Variants in PMPCB observed in about 807,000 individuals in gnomAD.
PMPCB encodes mitochondrial-processing peptidase subunit beta.
A neutral mutation model predicts 61.5 loss-of-function variants in PMPCB; 46 were observed. The ratio of observed to expected loss-of-function variants is 0.75; its 90% CI spans 0.59 to 0.96. The LOEUF (loss-of-function observed/expected upper bound fraction) is 0.96, where lower values mean the gene tolerates loss of function less well. Among genes scored for constraint, PMPCB ranks in the 40% least tolerant of loss-of-function variants. The pLI is 0.00. For missense variants in PMPCB, 590 were observed against 602.4 expected (o/e 0.98, Z 0.22); for synonymous variants, 191 against 201.6 (o/e 0.95, Z 0.44).
downstream of PMPCB, chr7:103,315,668 T>A: frequency 4.1e-6 from 3 of 724,832 alleles, no homozygotes; most frequent in South Asian, 2.0e-5. Flanking sequence ...AACATTTTAT[T>A]TCCCTATCAT....
chr7:103,306,546 C>G (rs1254046889), intron 6 of PMPCB, among the ~76,000 whole-genome samples: 2 of 151,988 alleles, frequency 1.3e-5, no homozygotes, highest in Non-Finnish European at 2.9e-5. Flanking sequence ...TCACACCTGA[C>G]TAATTTTGTA....
At chr7:103,319,961 G>C in intron 12 of PMPCB, 1 of 1,078,392 alleles carries the variant, frequency 9.3e-7, no homozygotes, top group South Asian at 1.4e-5. Context: ...CTTGAACCTG[G>C]AGGCGGAAAT....
chr7:103,312,303 G>GTATT lies in PMPCB; in HGVS notation c.*36_*39dup. 1 of 1,605,310 alleles carries GTATT rather than the reference G, an allele frequency of 6.2e-7. No homozygotes were observed. Among genetic ancestry groups the GTATT allele is most frequent in the Non-Finnish European group, 8.5e-7 (1 of 1,179,602 alleles). ...CCTAATCAAGATTGTTTGAACACAT[G>GTATT]TATTTATAAAACAGAGCTAGAGAAA... On this transcript the variant is annotated 3_prime_UTR_variant, in exon 13 of 13. Coordinates refer to ENST00000249269, the MANE Select transcript of PMPCB (RefSeq NM_004279.3).
chr7:103,344,710 C>T, the PMPCB span: 1 of 1,391,064 alleles, frequency 7.2e-7, no homozygotes, highest in Non-Finnish European at 1.0e-6. Flanking sequence ...ACCTCTCACT[C>T]CGAGCCTCGC....
Position 103,314,644 on chromosome 7 carries a change from GTTAC to G in PMPCB, c.*2378_*2381del, listed in dbSNP as rs1314055088. On this transcript the variant is annotated 3_prime_UTR_variant, in exon 13 of 13. Transcript: ENST00000249269. The stretch of plus-strand genomic sequence containing the variant: ...TTCAGGTGTTCTGAAACCCTGCCTT[GTTAC>G]TTACCTTTATTAAAAGAACCGAAAT... 1.0e-6 allele frequency: 1 copy of G among 985,232 alleles called. No homozygotes were observed. The highest frequency in any genetic ancestry group is 1.2e-6 in the Non-Finnish European group (1 of 829,884). The allele number at this position is 985,232 out of a possible 1,614,324, so 61.0% of individuals were successfully genotyped here.
At chr7:103,301,499 A>G (rs1422624636) in intron 4 of PMPCB, among the ~76,000 whole-genome samples, 1 of 152,238 alleles carries the variant, frequency 6.6e-6, no homozygotes, top group Non-Finnish European at 1.5e-5. Context: ...TACACAGAAC[A>G]ACAGGGAAGG....
At chr7:103,320,954 T>A (rs1818372580) in intron 12 of PMPCB, 1 of 154,866 alleles carries the variant, frequency 6.5e-6, no homozygotes, top group African/African-American at 2.4e-5. Flanking sequence ...TCCTAGCACT[T>A]TGGGAGTCCA....
At chr7:103,326,661 C>G (rs1818724476) in intron 12 of PMPCB, 1 of 1,611,626 alleles carries the variant, frequency 6.2e-7, no homozygotes, top group African/African-American at 1.3e-5. Flanking sequence ...CGTCTTTTCA[C>G]TGGATCAGAT....
chr7:103,298,381 T>A (rs1055306039), intron 1 of PMPCB, among the ~76,000 whole-genome samples, 187 bp from the exon 2 acceptor site: 2 of 152,198 alleles, frequency 1.3e-5, no homozygotes, highest in Non-Finnish European at 2.9e-5. Flanking sequence ...CGTTGCTGGC[T>A]TTAGGACAGT....
the PMPCB span, among the ~76,000 whole-genome samples, chr7:103,341,429 G>C: frequency 8.1e-4 from 124 of 152,252 alleles, no homozygotes; most frequent in Non-Finnish European, 1.6e-3. Flanking sequence ...TTCCTCAAGA[G>C]GCACTACATA....
intron 9 of PMPCB, 29 bp from the exon 10 acceptor site, chr7:103,311,614 A>G (rs1324221593): frequency 6.4e-7 from 1 of 1,552,166 alleles, no homozygotes; most frequent in South Asian, 1.1e-5. Context: ...AACATTTTCC[A>G]ACTACTACTG....
intron 4 of PMPCB, among the ~76,000 whole-genome samples, chr7:103,300,999 A>G (rs1271642090): frequency 6.6e-6 from 1 of 152,200 alleles, no homozygotes; most frequent in African/African-American, 2.4e-5. Context: ...TGAAATTTTT[A>G]ACCTTTAAGG....
rs913875559 is a variant in PMPCB at position 103,314,415 on chromosome 7, C to G, written c.*2144C>G. On this transcript the variant is annotated 3_prime_UTR_variant, in exon 13 of 13. Coordinates refer to ENST00000249269, the MANE Select transcript of PMPCB (RefSeq NM_004279.3). ...ATAAAAGAGGCAAAGGAGTCATACC[C>G]ACATAGCACTACTGCCAGTCACTCT... The G allele has an allele frequency of 8.1e-6, 8 of 985,364 alleles. No individual in the cohort carries two copies. In the South Asian group the frequency reaches 2.3e-4, roughly 29 times the overall value. 61.0% of individuals were successfully genotyped at this position (985,364 alleles called of 1,614,324 possible).
At chr7:103,331,022 A>C (rs184332751), downstream of PMPCB, among the ~76,000 whole-genome samples, 1 of 151,902 alleles carries the variant, frequency 6.6e-6, no homozygotes, top group African/African-American at 2.4e-5. Context: ...GCAATGGCAC[A>C]ATCTTGGCTC....
the PMPCB span, among the ~76,000 whole-genome samples, chr7:103,339,373 T>C: frequency 4.6e-5 from 7 of 152,338 alleles, no homozygotes; most frequent in South Asian, 1.0e-3. Context: ...CTCCCTCTTA[T>C]AGATCTCAAC....
At chr7:103,333,630 A>G (rs1715288374), downstream of PMPCB, among the ~76,000 whole-genome samples, 1 of 152,178 alleles carries the variant, frequency 6.6e-6, no homozygotes, top group African/African-American at 2.4e-5. Flanking sequence ...TCCATCATCC[A>G]AAAAGTTCCC....
chr7:103,328,221 T>A (rs934014397), intron 12 of PMPCB, among the ~76,000 whole-genome samples: 8 of 151,964 alleles, frequency 5.3e-5, no homozygotes, highest in African/African-American at 1.9e-4. Context: ...TGAGCCCGGC[T>A]TGAAGTAATT....
rs1285673574 is a variant in PMPCB at position 103,304,399 on chromosome 7, C to T, written c.657-12C>T. On this transcript the variant is annotated splice_polypyrimidine_tract_variant and intron_variant, in intron 5 of 12. Coordinates refer to ENST00000249269, the MANE Select transcript of PMPCB (RefSeq NM_004279.3). The stretch of plus-strand genomic sequence containing the variant: ...TTGGTTTCCTTTAAAAATTGTTTTA[C>T]TTCATTTACAGATCTATAAGTCGTA... 3 of 1,474,614 alleles carry T rather than the reference C, an allele frequency of 2.0e-6. No homozygotes were observed. Among genetic ancestry groups the T allele is most frequent in the Admixed American group, 1.8e-5 (1 of 55,810 alleles). 91.3% of individuals were successfully genotyped at this position (1,474,614 alleles called of 1,614,324 possible).
Position 103,313,163 on chromosome 7 carries a change from G to A in PMPCB, c.*892G>A. 3 of 1,487,974 alleles carry A rather than the reference G, an allele frequency of 2.0e-6. No homozygotes were observed. In the South Asian group the frequency reaches 3.9e-5, roughly 19 times the overall value. The allele number at this position is 1,487,974 out of a possible 1,614,324, so 92.2% of individuals were successfully genotyped here. On this transcript the variant is annotated 3_prime_UTR_variant, in exon 13 of 13. Transcript: ENST00000249269. ...GAACATGTTCTCAGACAAGTCTTGT[G>A]GTCCACAAGTATTCGCTAAGTGCCC...
Sources: gnomAD v4.1 joint callset for allele counts (sites outside exome capture counted in the v4.1 genomes callset) on GRCh38, gnomAD v4.1.1 for gene constraint, MANE v1.5 for transcripts, NCBI Gene and HGNC (gene_info 2026-07-23, HGNC 2026-07-21) for gene names.